Variants in MYCBP2 observed in about 807,000 individuals in gnomAD.
MYCBP2 encodes the protein E3 ubiquitin-protein ligase MYCBP2.
A neutral mutation model predicts 525.3 loss-of-function variants in MYCBP2; 120 were observed. That is an observed-to-expected ratio of 0.23 (90% CI 0.20 to 0.27). The LOEUF (loss-of-function observed/expected upper bound fraction) is 0.27. Among genes scored for constraint, MYCBP2 ranks in the 10% least tolerant of loss-of-function variants. The pLI, the probability that MYCBP2 is intolerant of heterozygous loss-of-function variation, is 1.00. For missense variants in MYCBP2, 4,149 were observed against 5,657.1 expected, an observed-to-expected ratio of 0.73 and a Z score of 8.55; for synonymous variants, 1,894 against 1,955.8, an observed-to-expected ratio of 0.97 and a Z score of 0.83.
chr13:77,197,023 A>G (rs1424781093), intron 26 of MYCBP2, among the ~76,000 whole-genome samples: 2 of 152,216 alleles, frequency 1.3e-5, no homozygotes, highest in African/African-American at 4.8e-5. Flanking sequence ...AAGAAAAATG[A>G]AGTGTAGTGT....
intron 3 of MYCBP2, among the ~76,000 whole-genome samples, chr13:77,286,407 T>C (rs1008515971): frequency 5.3e-5 from 8 of 152,090 alleles, no homozygotes; most frequent in African/African-American, 1.9e-4. Context: ...AATGTCTATA[T>C]TTTCACCTAT....
chr13:77,206,895 A>G (rs1037088386), intron 23 of MYCBP2, 70 bp from the exon 24 acceptor site: 40 of 1,271,806 alleles, frequency 3.1e-5, no homozygotes, highest in Non-Finnish European at 4.0e-5. Context: ...CTAAAACATA[A>G]CTGATGATAC....
In MYCBP2 at chr13:77,097,981, T is replaced by C; in HGVS notation, c.9173A>G (p.His3058Arg). The C allele has an allele frequency of 6.2e-7, 1 of 1,613,642 alleles. No homozygotes were observed. The highest frequency in any genetic ancestry group is 8.5e-7 in the Non-Finnish European group (1 of 1,179,810). ...AGCATGTTCTTTGGAAAGTTCAGGA[T>C]GAAACTTTAGGAAAGAAGAACAAGC... Reference protein sequence around the residue: ...AMACSSFLKFHPELSKEHAPI... With the variant: ...AMACSSFLKFRPELSKEHAPI... The change falls in exon 56 of 83, where the codon CAT (histidine) becomes CGT (arginine). Residue 3058 changes from histidine to arginine, a missense_variant. His to Arg is a conservative substitution (Grantham distance 29, BLOSUM62 0). Coordinates refer to ENST00000544440, the MANE Select transcript of MYCBP2 (RefSeq NM_015057.5).
chr13:77,052,005 C>A (rs963403906), intron 80 of MYCBP2, 87 bp from the exon 81 acceptor site: 11 of 1,009,158 alleles, frequency 1.1e-5, no homozygotes, highest in Admixed American at 1.0e-4. Context: ...AAAGTAAGAT[C>A]TAGGGGTTTT....
chr13:77,145,258 A>G (rs908128220), intron 48 of MYCBP2, among the ~76,000 whole-genome samples: 4 of 152,170 alleles, frequency 2.6e-5, no homozygotes, highest in African/African-American at 9.7e-5. Context: ...ATCCTCAGCA[A>G]TCTCTCAGTA....
chr13:77,228,433 G>A (rs572240507), intron 18 of MYCBP2, among the ~76,000 whole-genome samples: 1 of 151,884 alleles, frequency 6.6e-6, no homozygotes, highest in South Asian at 2.1e-4. Context: ...CCTGAGCCCG[G>A]GAGGTCAAGG....
In MYCBP2 at chr13:77,150,921, T is replaced by C; in HGVS notation, c.6944A>G (p.Gln2315Arg). ...ATCTTGTTGTAAAGACATTTTTTTC[T>C]GAGAAACAGGGACAGCTTTCACTTC... ...KVEVKAVPVS[Q>R]KKMSLQQDQA... is the part of the protein sequence containing the mutation. Residue 2315 changes from glutamine (Q) to arginine (R), a missense_variant, in exon 47 of 83, where the codon CAG becomes CGG. Transcript: ENST00000544440. 1 of 1,614,090 alleles carries C rather than the reference T, an allele frequency of 6.2e-7. No individual in the cohort carries two copies.
At chr13:77,071,388 TAAGAAACTC>T (rs2041258981) in intron 68 of MYCBP2, among the ~76,000 whole-genome samples, 1 of 151,748 alleles carries the variant, frequency 6.6e-6, no homozygotes, top group Admixed American at 6.6e-5. Context: ...AAAACTGAGG[TAAGAAACTC>T]TTTTGTTTAA....
At position 77,326,240 on chromosome 13, in the gene MYCBP2, G is replaced by GACACACACACACACACACAC. The variant is rs398023536; in HGVS notation, c.302+214_302+233dup. 5.5e-5 allele frequency among the ~76,000 whole-genome samples: 7 copies of GACACACACACACACACACAC among 127,878 alleles called. No individual in the cohort carries two copies. The highest frequency in any genetic ancestry group is 2.8e-4 in the South Asian group (1 of 3,554). 83.9% of individuals were successfully genotyped at this position (127,878 alleles called of 152,430 possible). On this transcript the variant is annotated intron_variant, in intron 1 of 82. Coordinates refer to ENST00000544440, the MANE Select transcript of MYCBP2 (RefSeq NM_015057.5). The surrounding 1 kb of genome is among the most constrained non-coding windows in gnomAD (Gnocchi z 4.2). The stretch of plus-strand genomic sequence containing the variant: ...CACTATCCCCCCACATAGGCAGGCA[G>GACACACACACACACACACAC]ACACACACACACACACACACACACA...
chr13:77,169,354 C>A (rs1270482253), intron 39 of MYCBP2, among the ~76,000 whole-genome samples: 2 of 149,324 alleles, frequency 1.3e-5, no homozygotes, highest in African/African-American at 2.5e-5. Flanking sequence ...GGAGATCGCG[C>A]CACAGCACTC....
At chr13:77,131,346 G>A (rs1029239055) in intron 52 of MYCBP2, among the ~76,000 whole-genome samples, 1 of 151,910 alleles carries the variant, frequency 6.6e-6, no homozygotes, top group East Asian at 1.9e-4. Context: ...GAGAGACCTC[G>A]TCTCTACAAA....
intron 14 of MYCBP2, among the ~76,000 whole-genome samples, chr13:77,252,166 CT>C (rs2071323294): frequency 6.6e-6 from 1 of 152,106 alleles, no homozygotes; most frequent in Admixed American, 6.6e-5. Context: ...AATTGAACAC[CT>C]ACTATACTCC....
chr13:77,303,675 A>C (rs2079060012), intron 1 of MYCBP2, among the ~76,000 whole-genome samples: 1 of 152,256 alleles, frequency 6.6e-6, no homozygotes, highest in Non-Finnish European at 1.5e-5. Context: ...CCATAAAATG[A>C]AAATGAAATT....
Position 77,095,365 on chromosome 13 carries a change from A to AT in MYCBP2, c.10191dup (p.Leu3398IlefsTer3). ...ACAGCAAAATTTTATTACCTAGCTA[A>AT]TGTCTGCAGGTAGAGACAAGGCATT... On this transcript the variant is annotated frameshift_variant, in exon 58 of 83. Coordinates refer to ENST00000544440, the MANE Select transcript of MYCBP2 (RefSeq NM_015057.5). LOFTEE classifies it high-confidence loss of function. 6.2e-7 allele frequency: 1 copy of AT among 1,613,240 alleles called. No individual in the cohort carries two copies. The highest frequency in any genetic ancestry group is 8.5e-7 in the Non-Finnish European group (1 of 1,179,558).
chr13:77,079,841 A>T (rs1485880714), intron 65 of MYCBP2, among the ~76,000 whole-genome samples: 2 of 152,140 alleles, frequency 1.3e-5, no homozygotes, highest in African/African-American at 4.8e-5. Flanking sequence ...AGCATTTTGG[A>T]TTTTCAGATT....
intron 20 of MYCBP2, among the ~76,000 whole-genome samples, chr13:77,221,184 A>G (rs1020735485): frequency 6.6e-6 from 1 of 152,124 alleles, no homozygotes; most frequent in Non-Finnish European, 1.5e-5. Flanking sequence ...TTTTGTTTCA[A>G]CATTAAATGC....
Position 77,096,348 on chromosome 13 carries a change from T to C in MYCBP2, c.9918A>G (p.Lys3306=), listed in dbSNP as rs2154126844. The C allele has an allele frequency of 1.2e-6, 2 of 1,613,126 alleles. No individual in the cohort carries two copies. Among genetic ancestry groups the C allele is most frequent in the East Asian group, 2.2e-5 (1 of 44,848 alleles). ...WYLVCDRCRE[K]YLREKQAAAR... Reference sequence around the variant, plus strand: ...CAGCAGCCTGTTTTTCGCGGAGGTATTTTTCTCTACAGCGATCACATACCA... The same window carrying C: ...CAGCAGCCTGTTTTTCGCGGAGGTACTTTTCTCTACAGCGATCACATACCA... The change falls in exon 57 of 83, where the codon AAA becomes AAG. Residue 3306 remains lysine (K), a synonymous_variant. Coordinates refer to ENST00000544440, the MANE Select transcript of MYCBP2 (RefSeq NM_015057.5).
intron 3 of MYCBP2, among the ~76,000 whole-genome samples, chr13:77,287,919 C>T (rs540127062): frequency 2.0e-5 from 3 of 152,162 alleles, no homozygotes; most frequent in Non-Finnish European, 4.4e-5. Context: ...CAGACTCCAA[C>T]CCACTGATCT....
chr13:77,248,690 GA>G (rs150447548), intron 15 of MYCBP2, among the ~76,000 whole-genome samples: 3,474 of 152,238 alleles, frequency 0.023, 65 homozygotes, highest in South Asian at 0.046. Context: ...TGGCCGCTGT[GA>G]AAAATAGTAT....
Sources: gnomAD v4.1 joint callset for allele counts (sites outside exome capture counted in the v4.1 genomes callset) on GRCh38, gnomAD v4.1.1 for gene constraint, Gnocchi (gnomAD v3.1) non-coding constraint, MANE v1.5 for transcripts, NCBI Gene and HGNC (gene_info 2026-07-23, HGNC 2026-07-21) for gene names.